Variants in KCNH5 observed in about 807,000 individuals in gnomAD.
The protein encoded by KCNH5 is potassium voltage-gated channel subfamily H member 5, also known as voltage-gated delayed rectifier potassium channel KCNH5.
In KCNH5, 46 loss-of-function variants were observed where a neutral mutation model predicts 96.1. The observed-to-expected ratio is 0.48, with a 90% CI of 0.38 to 0.61. KCNH5 has a LOEUF of 0.61. Among genes scored for constraint, KCNH5 ranks in the 20% least tolerant of loss-of-function variants. The probability of loss-of-function intolerance (pLI) is 0.00; values close to 1 mark genes in which losing one functional copy is unlikely to be tolerated. For synonymous variants in KCNH5, 439 were observed against 449.8 expected, an observed-to-expected ratio of 0.98 and a Z score of 0.30; for missense variants, 907 against 1,225.8, an observed-to-expected ratio of 0.74 and a Z score of 3.88.
chr14:62,812,358 A>G (rs1247259514), intron 8 of KCNH5, among the ~76,000 whole-genome samples: 1 of 152,136 alleles, frequency 6.6e-6, no homozygotes, highest in Admixed American at 6.6e-5. Flanking sequence ...CAAATGTATC[A>G]CATACTTCAA....
At chr14:62,961,393 A>T (rs1890202499) in intron 6 of KCNH5, among the ~76,000 whole-genome samples, 1 of 152,108 alleles carries the variant, frequency 6.6e-6, no homozygotes, top group Non-Finnish European at 1.5e-5. Context: ...GTGAATTCCT[A>T]TGCATCTCTC....
rs1884455620 is a variant in KCNH5 at position 62,707,404 on chromosome 14, GTCA to G, written c.*101_*103del. ...ATTTACATATCAAAATCCATGTGTG[GTCA>G]TCATCTTGAAAGCAAGTGAAAATAT... On this transcript the variant is annotated 3_prime_UTR_variant, in exon 11 of 11. Transcript: ENST00000322893. 2 of 532,938 alleles carry G rather than the reference GTCA, an allele frequency of 3.8e-6. No homozygotes were observed. The highest frequency in any genetic ancestry group is 5.8e-6 in the Non-Finnish European group (2 of 345,330). 33.0% of individuals were successfully genotyped at this position (532,938 alleles called of 1,614,324 possible). A position where few individuals can be genotyped will look rare whatever the true frequency, so the allele number is the denominator to read the frequency against.
chr14:62,860,454 T>C (rs1888011223), intron 7 of KCNH5, among the ~76,000 whole-genome samples: 1 of 152,184 alleles, frequency 6.6e-6, no homozygotes, highest in African/African-American at 2.4e-5. Flanking sequence ...TAACTTTGAT[T>C]AAAAACTATC....
At chr14:62,745,518 C>T (rs1368476603) in intron 10 of KCNH5, among the ~76,000 whole-genome samples, 1 of 152,116 alleles carries the variant, frequency 6.6e-6, no homozygotes, top group African/African-American at 2.4e-5. Flanking sequence ...TTCACAGAGC[C>T]AATCACATAT....
chr14:62,735,148 T>C (rs1473316089), intron 10 of KCNH5, among the ~76,000 whole-genome samples: 1 of 152,164 alleles, frequency 6.6e-6, no homozygotes, highest in Non-Finnish European at 1.5e-5. Context: ...TTGCAGGAAA[T>C]AAAGCTTAAT....
intron 2 of KCNH5, among the ~76,000 whole-genome samples, chr14:63,014,659 A>G (rs1308830943): frequency 6.6e-6 from 1 of 152,158 alleles, no homozygotes; most frequent in Non-Finnish European, 1.5e-5. Flanking sequence ...CAATAAAGCA[A>G]TAAGAATAAA....
At chr14:62,960,400 G>T (rs1594646661) in intron 6 of KCNH5, among the ~76,000 whole-genome samples, 1 of 152,200 alleles carries the variant, frequency 6.6e-6, no homozygotes, top group Middle Eastern at 3.4e-3. Context: ...GGAACCTAGT[G>T]ATTTAAAGAA....
chr14:62,768,692 A>C (rs1885919287), intron 10 of KCNH5, among the ~76,000 whole-genome samples: 1 of 152,186 alleles, frequency 6.6e-6, no homozygotes, highest in African/African-American at 2.4e-5. Context: ...CTTCTTGTTT[A>C]CTATTAAAAC....
chr14:62,907,907 T>G lies in KCNH5; in HGVS notation c.1369+42226A>C, dbSNP rs532470131. 3.9e-5 allele frequency among the ~76,000 whole-genome samples: 6 copies of G among 152,306 alleles called. No homozygotes were observed. The South Asian group carries it at 1.2e-3, about 32-fold the overall frequency. On this transcript the variant is annotated intron_variant, in intron 7 of 10. Transcript: ENST00000322893. ...CGATGTTCTCCTGCTGTTAGTCACA[T>G]GAGGGCATTGTGCAAGATGAAGGTC...
At chr14:62,784,162 G>A (rs569148727) in intron 9 of KCNH5, among the ~76,000 whole-genome samples, 6 of 152,262 alleles carry the variant, frequency 3.9e-5, no homozygotes, top group East Asian at 1.9e-4. Context: ...GCAAAGTCAC[G>A]TCTTACACGG....
chr14:62,940,299 T>C (rs903602831), intron 7 of KCNH5, among the ~76,000 whole-genome samples: 7 of 152,018 alleles, frequency 4.6e-5, no homozygotes, highest in African/African-American at 1.7e-4. Context: ...TCACAAAGCC[T>C]AAGATAGTCA....
chr14:62,890,216 C>A (rs919205384), intron 7 of KCNH5, among the ~76,000 whole-genome samples: 1 of 152,068 alleles, frequency 6.6e-6, no homozygotes, highest in Non-Finnish European at 1.5e-5. Flanking sequence ...GCACCAATAG[C>A]AAAAATTGAC....
At chr14:62,886,885 T>C (rs1888609076) in intron 7 of KCNH5, among the ~76,000 whole-genome samples, 1 of 152,160 alleles carries the variant, frequency 6.6e-6, no homozygotes, top group African/African-American at 2.4e-5. Flanking sequence ...CATTTAATAA[T>C]AGAATATTTA....
intron 3 of KCNH5, among the ~76,000 whole-genome samples, chr14:63,005,555 A>G (rs1204125011): frequency 2.0e-5 from 3 of 152,236 alleles, no homozygotes; most frequent in Non-Finnish European, 4.4e-5. Flanking sequence ...TATTAACAAT[A>G]AATAAATTGA....
chr14:62,860,296 T>C (rs1888007836), intron 7 of KCNH5, among the ~76,000 whole-genome samples: 1 of 152,188 alleles, frequency 6.6e-6, no homozygotes, highest in African/African-American at 2.4e-5. Flanking sequence ...ACAGCATCCC[T>C]ATCTACCATT....
intron 10 of KCNH5, among the ~76,000 whole-genome samples, chr14:62,735,035 C>G (rs573304331): frequency 6.6e-6 from 1 of 152,088 alleles, no homozygotes; most frequent in Admixed American, 6.6e-5. Context: ...TTGGAGCAGG[C>G]AAGCCTAGAT....
At chr14:62,917,274 A>G (rs915362100) in intron 7 of KCNH5, among the ~76,000 whole-genome samples, 2 of 151,996 alleles carry the variant, frequency 1.3e-5, no homozygotes, top group Non-Finnish European at 2.9e-5. Context: ...TTTCATTGCA[A>G]GACCTGAAAT....
rs1230475006 is a variant in KCNH5, at chr14:62,707,828, T to G, written c.2647A>C (p.Ser883Arg). ...TGGATGGGACTGTGCTCTAGCGGAC[T>G]TCGGGCCTCCCCAGCCTTATCCAAA... is the stretch of plus-strand genomic sequence containing the variant. ...LRLDKAGEAR[S>R]PLEHSPIQAD... The change falls in exon 11 of 11, where the codon AGT (serine) becomes CGT (arginine). Residue 883 changes from serine (S) to arginine (R), a missense_variant. Ser to Arg is a moderately radical substitution (Grantham distance 110). Transcript: ENST00000322893. 2 of 1,614,180 alleles carry G rather than the reference T, an allele frequency of 1.2e-6. No individual in the cohort carries two copies.
chr14:62,927,569 T>C (rs1341817783), intron 7 of KCNH5, among the ~76,000 whole-genome samples: 1 of 152,098 alleles, frequency 6.6e-6, no homozygotes, highest in Non-Finnish European at 1.5e-5. Flanking sequence ...AAGGAAAAAT[T>C]TGACATATGC....
Sources: gnomAD v4.1 joint callset for allele counts (sites outside exome capture counted in the v4.1 genomes callset) on GRCh38, gnomAD v4.1.1 for gene constraint, MANE v1.5 for transcripts, NCBI Gene and HGNC (gene_info 2026-07-23, HGNC 2026-07-21) for gene names.